NAALADL2: variants seen among roughly 807,000 people sequenced by gnomAD.
NAALADL2 encodes inactive N-acetylated-alpha-linked acidic dipeptidase-like protein 2.
A neutral mutation model predicts 87.2 loss-of-function variants in NAALADL2; 76 were observed. That is an observed-to-expected ratio of 0.87 (90% CI 0.72 to 1.05). NAALADL2 has a LOEUF of 1.05. Among genes scored for constraint, NAALADL2 ranks in the 50% least tolerant of loss-of-function variants. The pLI, the probability that NAALADL2 is intolerant of heterozygous loss-of-function variation, is 0.00. For missense variants in NAALADL2, 1,089 were observed against 945.8 expected (o/e 1.15, Z -1.99); for synonymous variants, 354 against 331.0 (o/e 1.07, Z -0.75).
At chr3:174,740,978 T>C (rs962181) in intron 3 of NAALADL2, among the ~76,000 whole-genome samples, 38,389 of 151,562 alleles carry the variant, frequency 0.25, 4,997 homozygotes, top group East Asian at 0.38. Flanking sequence ...TTTATTTTCC[T>C]TAAGAGGTAG....
chr3:175,165,261 G>A (rs1461262), intron 2 of NAALADL2, among the ~76,000 whole-genome samples: 126,798 of 152,024 alleles, frequency 0.83, 53,208 homozygotes, highest in East Asian at 0.93. Flanking sequence ...CTTATTTACT[G>A]GACCATGAAC....
chr3:175,250,421 T>A (rs1032589275), intron 3 of NAALADL2, among the ~76,000 whole-genome samples: 3 of 152,214 alleles, frequency 2.0e-5, no homozygotes, highest in African/African-American at 4.8e-5. Flanking sequence ...ATAATAAATT[T>A]GTGTTGTTTA....
intron 11 of NAALADL2, among the ~76,000 whole-genome samples, chr3:175,696,509 A>G (rs1032710491): frequency 2.0e-5 from 3 of 152,130 alleles, no homozygotes; most frequent in African/African-American, 7.2e-5. Context: ...AAGTGATCAA[A>G]AGTCCAGAGA....
At chr3:174,764,011 A>G (rs989496638) in intron 3 of NAALADL2, among the ~76,000 whole-genome samples, 3 of 152,178 alleles carry the variant, frequency 2.0e-5, no homozygotes, top group Non-Finnish European at 2.9e-5. Flanking sequence ...TAAAGAAAAG[A>G]CTGAAATCAT....
At chr3:175,376,762 A>T (rs1767175897) in intron 5 of NAALADL2, among the ~76,000 whole-genome samples, 1 of 152,160 alleles carries the variant, frequency 6.6e-6, no homozygotes, top group Non-Finnish European at 1.5e-5. Context: ...ATAGCTTGCT[A>T]TTATCCCACA....
At chr3:175,716,298 TAA>T (rs1741268795) in intron 11 of NAALADL2, among the ~76,000 whole-genome samples, 1 of 146,300 alleles carries the variant, frequency 6.8e-6, no homozygotes, top group Non-Finnish European at 1.5e-5. Context: ...ATTACACATA[TAA>T]GATATATTAC....
chr3:174,833,757 A>G (rs1723005282), intron 3 of NAALADL2, among the ~76,000 whole-genome samples: 1 of 152,076 alleles, frequency 6.6e-6, no homozygotes, highest in Admixed American at 6.5e-5. Flanking sequence ...ACACTTGAAA[A>G]TCAATTTAAT....
At chr3:174,639,111 C>A (rs1045066413) in intron 2 of NAALADL2, among the ~76,000 whole-genome samples, 1 of 152,122 alleles carries the variant, frequency 6.6e-6, no homozygotes, top group Non-Finnish European at 1.5e-5. Context: ...CTAGTTAGCT[C>A]TTCTTTCAAG....
At chr3:174,559,302 C>A (rs1578169792) in intron 2 of NAALADL2, among the ~76,000 whole-genome samples, 1 of 152,134 alleles carries the variant, frequency 6.6e-6, no homozygotes, top group African/African-American at 2.4e-5. Flanking sequence ...AATCCCTGCA[C>A]CATTACCACC....
intron 5 of NAALADL2, among the ~76,000 whole-genome samples, chr3:175,400,747 A>G (rs1268446218): frequency 6.6e-6 from 1 of 152,150 alleles, no homozygotes; most frequent in Non-Finnish European, 1.5e-5. Flanking sequence ...GGGTCAGTTA[A>G]TAATGCCACT....
At chr3:174,838,552 CTG>C (rs200400168) in intron 3 of NAALADL2, among the ~76,000 whole-genome samples, 1,839 of 152,282 alleles carry the variant, frequency 0.012, 44 homozygotes, top group African/African-American at 0.043. Context: ...GGAAGTCAAA[CTG>C]TCGCTGTCTG....
At chr3:175,170,505 C>A (rs1734655871) in intron 2 of NAALADL2, among the ~76,000 whole-genome samples, 1 of 145,892 alleles carries the variant, frequency 6.9e-6, no homozygotes, top group African/African-American at 2.5e-5. Flanking sequence ...TATATATATA[C>A]AAACACATAT....
chr3:175,202,595 C>A (rs745308872), intron 2 of NAALADL2, among the ~76,000 whole-genome samples: 3 of 152,138 alleles, frequency 2.0e-5, no homozygotes, highest in Admixed American at 1.3e-4. Context: ...TGCTGGTGGG[C>A]CTCCTGCCTG....
intron 9 of NAALADL2, among the ~76,000 whole-genome samples, chr3:175,556,963 G>C (rs9816845): frequency 0.053 from 8,134 of 152,206 alleles, 612 homozygotes; most frequent in African/African-American, 0.16. Flanking sequence ...CTAGAAATGG[G>C]ACCAAAGCTA....
intron 2 of NAALADL2, among the ~76,000 whole-genome samples, chr3:174,553,229 A>G (rs1233754541): frequency 4.6e-5 from 7 of 152,208 alleles, no homozygotes; most frequent in Admixed American, 1.3e-4. Flanking sequence ...ATAAAAATGT[A>G]TTAAATGGCA....
chr3:175,130,071 C>T (rs945655444), intron 2 of NAALADL2, among the ~76,000 whole-genome samples: 2 of 152,066 alleles, frequency 1.3e-5, no homozygotes, highest in African/African-American at 2.4e-5. Context: ...ATGTTGTATA[C>T]GTTTTCATAT....
intron 2 of NAALADL2, among the ~76,000 whole-genome samples, chr3:174,628,982 A>T (rs1327097179): frequency 6.6e-6 from 1 of 152,192 alleles, no homozygotes; most frequent in African/African-American, 2.4e-5. Flanking sequence ...ACAAAGAAAA[A>T]CAGTGACCAG....
intron 1 of NAALADL2, among the ~76,000 whole-genome samples, chr3:175,007,980 A>G (rs956405924): frequency 6.6e-6 from 1 of 152,128 alleles, no homozygotes; most frequent in African/African-American, 2.4e-5. Context: ...AGCATATACA[A>G]TGTAGATACA....
chr3:174,969,132 C>T (rs937220162), intron 1 of NAALADL2, among the ~76,000 whole-genome samples: 1 of 152,078 alleles, frequency 6.6e-6, no homozygotes, highest in African/African-American at 2.4e-5. Context: ...TATTATGCTA[C>T]TTTGGCTTTT....
Sources: allele counts gnomAD v4.1 joint callset (sites outside exome capture counted in the v4.1 genomes callset), GRCh38; gene constraint gnomAD v4.1.1; transcripts MANE v1.5; gene names NCBI Gene and HGNC (gene_info 2026-07-23, HGNC 2026-07-21).